The following SLC16A5 variants were observed in gnomAD, a reference collection of about 807,000 sequenced individuals.
SLC16A5 encodes the protein solute carrier family 16 member 5.
SLC16A5 carries 29 observed loss-of-function variants against 33.2 expected under a neutral mutation model. The observed-to-expected ratio is 0.87, with a 90% confidence interval of 0.65 to 1.19. The LOEUF is 1.19. SLC16A5 is among the 50% of genes most tolerant of loss of function. The pLI, the probability that SLC16A5 is intolerant of heterozygous loss-of-function variation, is 0.00. For synonymous variants in SLC16A5, 248 were observed against 284.1 expected, an observed-to-expected ratio of 0.87 and a Z score of 1.28; for missense variants, 606 against 678.2, an observed-to-expected ratio of 0.89 and a Z score of 1.18.
intron 5 of SLC16A5, among the ~76,000 whole-genome samples, chr17:75,103,227 T>C (rs895538727): frequency 6.6e-6 from 1 of 152,030 alleles, no homozygotes; most frequent in South Asian, 2.1e-4. Flanking sequence ...GGTTTCACCA[T>C]GTTGGCCAGG....
chr17:75,089,509 C>T (rs2073609791), intron 2 of SLC16A5, among the ~76,000 whole-genome samples: 1 of 152,000 alleles, frequency 6.6e-6, no homozygotes, highest in Admixed American at 6.6e-5. Flanking sequence ...AATCCCAGCA[C>T]TTTGGGAGGC....
downstream of SLC16A5, among the ~76,000 whole-genome samples, chr17:75,109,684 C>T (rs1339315525): frequency 6.6e-6 from 1 of 152,192 alleles, no homozygotes; most frequent in African/African-American, 2.4e-5. This position sits in a 1 kb window ranked among gnomAD's most constrained non-coding sequence, Gnocchi z 5.0. Flanking sequence ...GAGGCCCTCA[C>T]TCGCCCATCT....
intron 6 of SLC16A5, 57 bp downstream of exon 6, chr17:75,104,237 T>G (rs1355974768): frequency 2.5e-6 from 4 of 1,586,514 alleles, no homozygotes; most frequent in Non-Finnish European, 3.4e-6. Flanking sequence ...GTCTGAGTCC[T>G]GGGATCACTG....
rs374464411 is a variant in SLC16A5, at chr17:75,092,023, A to AGG, written c.-48-1561_-48-1560dup. Among the ~76,000 whole-genome samples, 29 of 101,756 alleles carry AGG rather than the reference A, an allele frequency of 2.8e-4. No individual in the cohort carries two copies. The South Asian group carries it at 3.2e-3, about 11-fold the overall frequency. The allele number at this position is 101,756 out of a possible 152,430, so 66.8% of individuals were successfully genotyped here. A position where few individuals can be genotyped will look rare whatever the true frequency, so the allele number is the denominator to read the frequency against. ...TGCACCTTGCTAAGCCAAAGATGTG[A>AGG]GGGGGGTGTGTGTGTGTGTGTGTGT... is the stretch of plus-strand genomic sequence containing the variant. On this transcript the variant is annotated intron_variant, in intron 2 of 6. Transcript: ENST00000329783.
downstream of SLC16A5, chr17:75,106,226 CT>C: frequency 2.4e-6 from 1 of 417,898 alleles, no homozygotes; most frequent in South Asian, 4.9e-5. Flanking sequence ...GGTGAGCATC[CT>C]GACGACTCCA....
chr17:75,109,072 G>T (rs59221613), downstream of SLC16A5, among the ~76,000 whole-genome samples: 2,315 of 152,228 alleles, frequency 0.015, 54 homozygotes, highest in African/African-American at 0.053. This position sits in a 1 kb window ranked among gnomAD's most constrained non-coding sequence, Gnocchi z 5.0. Flanking sequence ...ATGGGAGTGT[G>T]GCTAGACCAC....
chr17:75,101,840 G>GCTCA (rs1437077861), intron 5 of SLC16A5, among the ~76,000 whole-genome samples: 7 of 151,940 alleles, frequency 4.6e-5, no homozygotes, highest in Non-Finnish European at 8.8e-5. Context: ...TCACCATGTT[G>GCTCA]CTCAGGCTGC....
At chr17:75,108,115 G>A (rs1183088414), downstream of SLC16A5, among the ~76,000 whole-genome samples, 1 of 152,130 alleles carries the variant, frequency 6.6e-6, no homozygotes, top group Non-Finnish European at 1.5e-5. Flanking sequence ...AGAAAAAAAG[G>A]GAGAAGACCA....
intron 4 of SLC16A5, among the ~76,000 whole-genome samples, chr17:75,098,756 A>G (rs759711531): frequency 1.1e-4 from 16 of 152,126 alleles, no homozygotes; most frequent in Non-Finnish European, 2.4e-4. Flanking sequence ...CTAGGAAAGA[A>G]GAGAAAAAGG....
chr17:75,100,550 G>A lies in SLC16A5; in HGVS notation c.887G>A (p.Gly296Glu), dbSNP rs2073781078. 3 of 1,614,110 alleles carry A rather than the reference G, an allele frequency of 1.9e-6. No individual in the cohort carries two copies. The highest frequency in any genetic ancestry group is 1.7e-5 in the Admixed American group (1 of 60,006). Residue 296 changes from glycine (G) to glutamate (E), a missense_variant, in exon 5 of 7, where the codon GGA (glycine) becomes GAA (glutamate). Transcript: ENST00000329783. ...FLRPLAGLMA[G>E]RPAFASHRKY... ...AGGCCCCTAGCCGGGCTGATGGCAG[G>A]ACGGCCGGCCTTTGCTAGCCACCGC...
chr17:75,093,859 A>G, intron 3 of SLC16A5, 24 bp downstream of exon 3: 1 of 1,607,692 alleles, frequency 6.2e-7, no homozygotes, highest in Non-Finnish European at 8.5e-7. Flanking sequence ...GGAGGGGCCG[A>G]TGAGAAAGTC....
Position 75,100,146 on chromosome 17 carries a change from C to T in SLC16A5, c.483C>T (p.Tyr161=). The change falls in exon 5 of 7, where the codon TAC becomes TAT. Residue 161 remains tyrosine (Y), a synonymous_variant. Coordinates refer to ENST00000329783, the MANE Select transcript of SLC16A5 (RefSeq NM_004695.4). ...GITLWPLLSR[Y]LLENLGWRGT... is the part of the protein sequence containing the mutation. The stretch of plus-strand genomic sequence containing the variant: ...CCCTCTGGCCGCTGCTCTCCCGCTA[C>T]CTTCTGGAGAACCTGGGCTGGAGGG... 2 of 1,614,240 alleles carry T rather than the reference C, an allele frequency of 1.2e-6. No individual in the cohort carries two copies. Among genetic ancestry groups the T allele is most frequent in the South Asian group, 2.2e-5 (2 of 91,088 alleles).
At chr17:75,089,049 A>G (rs1277686723) in intron 1 of SLC16A5, 102 bp from the exon 2 acceptor site, 1 of 152,134 alleles carries the variant, frequency 6.6e-6, no homozygotes, top group East Asian at 1.9e-4. Flanking sequence ...CTGGGGCCCA[A>G]CCTCACCCCT....
intron 1 of SLC16A5, among the ~76,000 whole-genome samples, chr17:75,088,625 G>C (rs942395357): frequency 1.3e-5 from 2 of 152,064 alleles, no homozygotes; most frequent in African/African-American, 4.8e-5. Context: ...CCTGGGTCCA[G>C]GGCTCCAGCC....
At chr17:75,104,411 A>AAC in intron 6 of SLC16A5, 2 of 1,313,836 alleles carry the variant, frequency 1.5e-6, no homozygotes, top group East Asian at 3.2e-5. Flanking sequence ...TGCCCTGAGA[A>AAC]ACTCTTTTTT....
At chr17:75,095,454 G>A (rs988593889) in intron 3 of SLC16A5, among the ~76,000 whole-genome samples, 2 of 152,182 alleles carry the variant, frequency 1.3e-5, no homozygotes, top group South Asian at 2.1e-4. Flanking sequence ...GTATGAGCCC[G>A]TGCTCATTCA....
In SLC16A5 at chr17:75,100,461, C is replaced by T; in HGVS notation, c.798C>T (p.His266=). The part of the protein sequence containing the change: ...QVFLVPYAMW[H]SVDEQQAALL... ...TCCTGGTGCCATATGCCATGTGGCA[C>T]AGCGTGGACGAGCAGCAGGCAGCCC... The change falls in exon 5 of 7, where the codon CAC becomes CAT. Residue 266 remains histidine (H), a synonymous_variant. Coordinates refer to ENST00000329783, the MANE Select transcript of SLC16A5 (RefSeq NM_004695.4). The T allele has an allele frequency of 7.4e-6, 12 of 1,614,248 alleles. No individual in the cohort carries two copies. The highest frequency in any genetic ancestry group is 1.0e-5 in the Non-Finnish European group (12 of 1,180,036).
Position 75,100,169 on chromosome 17 carries a change from G to A in SLC16A5, c.506G>A (p.Arg169Lys), listed in dbSNP as rs772892714. 6.2e-7 allele frequency: 1 copy of A among 1,614,222 alleles called. No homozygotes were observed. The highest frequency in any genetic ancestry group is 8.5e-7 in the Non-Finnish European group (1 of 1,180,036). ...TACCTTCTGGAGAACCTGGGCTGGAGGGGTACCTTCCTTGTCTTCGGCGGG... is the reference window on the plus strand; with the variant it reads ...TACCTTCTGGAGAACCTGGGCTGGAAGGGTACCTTCCTTGTCTTCGGCGGG... ...SRYLLENLGW[R>K]GTFLVFGGIF... Residue 169 changes from arginine (R) to lysine (K), a missense_variant, in exon 5 of 7, where the codon AGG becomes AAG. Coordinates refer to ENST00000329783, the MANE Select transcript of SLC16A5 (RefSeq NM_004695.4).
chr17:75,096,338 A>T (rs1451743926), intron 3 of SLC16A5, among the ~76,000 whole-genome samples: 1 of 60,856 alleles, frequency 1.6e-5, no homozygotes, highest in Admixed American at 1.7e-4. Flanking sequence ...CCCCACCCCC[A>T]CCCCTGTGAC....
Sources: gnomAD v4.1 joint callset for allele counts (sites outside exome capture counted in the v4.1 genomes callset) on GRCh38, gnomAD v4.1.1 for gene constraint, Gnocchi (gnomAD v3.1) non-coding constraint, MANE v1.5 for transcripts, NCBI Gene and HGNC (gene_info 2026-07-23, HGNC 2026-07-21) for gene names.